The following ERC1 variants were observed in gnomAD, a reference collection of about 807,000 sequenced individuals.
ERC1 encodes the protein RAB6 interacting protein 2.
A neutral mutation model predicts 132.0 loss-of-function variants in ERC1; 56 were observed. The observed-to-expected ratio is 0.42, with a 90% confidence interval of 0.34 to 0.53. The LOEUF is 0.53. Among genes scored for constraint, ERC1 ranks in the 20% least tolerant of loss-of-function variants. ERC1 has a pLI of 0.03. For missense variants in ERC1, 1,202 were observed against 1,349.9 expected, an observed-to-expected ratio of 0.89 and a Z score of 1.72; for synonymous variants, 478 against 476.1, an observed-to-expected ratio of 1.00 and a Z score of -0.05.
intron 1 of ERC1, among the ~76,000 whole-genome samples, chr12:1,003,987 A>T (rs185571056): frequency 1.3e-5 from 2 of 152,172 alleles, no homozygotes; most frequent in Non-Finnish European, 2.9e-5. Flanking sequence ...TGAAGGTTCA[A>T]TGCCTTGTCA....
chr12:991,049 A>G (rs1592516802), upstream of ERC1: 1 of 149,142 alleles, frequency 6.7e-6, no homozygotes, highest in Admixed American at 6.6e-5. Flanking sequence ...CCAGTTCCTC[A>G]CCCGCGTGCC....
intron 15 of ERC1, among the ~76,000 whole-genome samples, chr12:1,371,180 G>A (rs765571270): frequency 7.7e-6 from 1 of 129,204 alleles, no homozygotes; most frequent in Non-Finnish European, 1.6e-5. Flanking sequence ...GCCCACTGAT[G>A]GGAACTCCCC....
At position 1,033,067 on chromosome 12, in the gene ERC1, C is replaced by CG. The variant is rs149321237; in HGVS notation, c.669+4496dup. On this transcript the variant is annotated intron_variant, in intron 2 of 18. Transcript: ENST00000360905. ...TTTTTTTTTTTTGAAACAAGAGTCT[C>CG]GCTCTGTTGCTCAGGCTGGAGTGTG... Among the ~76,000 whole-genome samples, 523 of 149,988 alleles carry CG rather than the reference C, an allele frequency of 3.5e-3. 22 individuals are homozygous for CG. In the East Asian group the frequency reaches 0.086, roughly 25 times the overall value.
At chr12:1,431,557 T>A (rs2092797901) in intron 17 of ERC1, among the ~76,000 whole-genome samples, 1 of 152,212 alleles carries the variant, frequency 6.6e-6, no homozygotes, top group Non-Finnish European at 1.5e-5. Context: ...TTTTCATATT[T>A]AAATTGCATA....
chr12:1,366,157 TTACTG>T lies in ERC1; in HGVS notation c.2781-5675_2781-5671del, dbSNP rs548229375. Among the ~76,000 whole-genome samples, 276 of 152,278 alleles carry T rather than the reference TTACTG, an allele frequency of 1.8e-3. 1 individual carries two copies. Among genetic ancestry groups the T allele is most frequent in the African/African-American group, 4.6e-3 (193 of 41,556 alleles). ...GGTCGCAGAACAATCTAAATGTACT[TTACTG>T]AACTGTTCATTTATAAATGGTTATG... is the stretch of plus-strand genomic sequence containing the variant. On this transcript the variant is annotated intron_variant, in intron 15 of 18. Coordinates refer to ENST00000360905, the MANE Select transcript of ERC1 (RefSeq NM_178040.4).
chr12:1,459,673 A>G (rs1377201042), intron 18 of ERC1, among the ~76,000 whole-genome samples: 1 of 152,258 alleles, frequency 6.6e-6, no homozygotes, highest in African/African-American at 2.4e-5. Context: ...GACTATTTGC[A>G]TAGACTGAAA....
rs559665898 is a variant in ERC1, at chr12:1,493,723, C to T, written c.*3493C>T. The T allele has an allele frequency of 1.9e-5, 4 of 209,862 alleles. No individual in the cohort carries two copies. In the South Asian group the frequency reaches 5.7e-4, roughly 30 times the overall value. The allele number at this position is 209,862 out of a possible 1,614,324, so 13.0% of individuals were successfully genotyped here. ...TTGTAAAGCAGACTGGACCCAAGGCCGCCTTCAGTGTCAAGAAGGGCATTG... is the reference window on the plus strand; with the variant it reads ...TTGTAAAGCAGACTGGACCCAAGGCTGCCTTCAGTGTCAAGAAGGGCATTG... On this transcript the variant is annotated 3_prime_UTR_variant, in exon 19 of 19. Transcript: ENST00000360905.
At chr12:1,303,007 G>A (rs960676773) in intron 15 of ERC1, among the ~76,000 whole-genome samples, 2 of 152,102 alleles carry the variant, frequency 1.3e-5, no homozygotes, top group Non-Finnish European at 2.9e-5. Flanking sequence ...TCTGTTAAAT[G>A]TGCAGTAGCG....
At chr12:1,460,185 A>T (rs1158592485) in intron 18 of ERC1, among the ~76,000 whole-genome samples, 1 of 152,196 alleles carries the variant, frequency 6.6e-6, no homozygotes, top group East Asian at 1.9e-4. Flanking sequence ...TACTCTTGGA[A>T]AACTTCCTTA....
At chr12:1,236,439 A>C (rs1236764792) in intron 12 of ERC1, among the ~76,000 whole-genome samples, 1 of 152,230 alleles carries the variant, frequency 6.6e-6, no homozygotes, top group Non-Finnish European at 1.5e-5. Context: ...CGTCGATGTC[A>C]AAAATACTGC....
chr12:1,368,392 T>C (rs1332083613), intron 15 of ERC1, among the ~76,000 whole-genome samples: 1 of 152,224 alleles, frequency 6.6e-6, no homozygotes, highest in African/African-American at 2.4e-5. Context: ...AAAATACTTT[T>C]TTTCAAAGAA....
intron 8 of ERC1, among the ~76,000 whole-genome samples, chr12:1,169,219 G>A (rs1214157850): frequency 6.6e-6 from 1 of 152,164 alleles, no homozygotes; most frequent in Non-Finnish European, 1.5e-5. Context: ...ATGCAACCTA[G>A]GTCTCTCCTG....
Position 1,164,033 on chromosome 12 carries a change from C to T in ERC1, c.1738-16507C>T, listed in dbSNP as rs1952123108. 2.0e-5 allele frequency among the ~76,000 whole-genome samples: 3 copies of T among 152,204 alleles called. No individual in the cohort carries two copies. The East Asian group carries it at 5.8e-4, about 29-fold the overall frequency. On this transcript the variant is annotated intron_variant, in intron 8 of 18. Coordinates refer to ENST00000360905, the MANE Select transcript of ERC1 (RefSeq NM_178040.4). ...TCTGACCTACATGGTGTCTTTTGCC[C>T]CAGCTTCTGCAGGTGCCTTGGGTTC...
At chr12:1,083,676 C>T (rs184272775) in intron 3 of ERC1, 96 bp downstream of exon 3, 9 of 941,164 alleles carry the variant, frequency 9.6e-6, no homozygotes, top group South Asian at 8.2e-5. Context: ...CGTGCTCTGC[C>T]GTGCTGGTGG....
At chr12:1,121,769 C>G (rs1327765243) in intron 7 of ERC1, among the ~76,000 whole-genome samples, 13 of 6,616 alleles carry the variant, frequency 2.0e-3, no homozygotes, top group Non-Finnish European at 4.2e-3. Flanking sequence ...CTCTATCTAT[C>G]TCTATCTCTA....
intron 17 of ERC1, among the ~76,000 whole-genome samples, chr12:1,440,675 T>G (rs2093124923): frequency 7.1e-6 from 1 of 140,220 alleles, no homozygotes; most frequent in Admixed American, 7.3e-5. Flanking sequence ...TGTGATGGAG[T>G]CTCACTCTGT....
chr12:1,156,112 T>G (rs990061342), intron 8 of ERC1, among the ~76,000 whole-genome samples: 2 of 152,138 alleles, frequency 1.3e-5, no homozygotes, highest in East Asian at 3.8e-4. Context: ...TATCATCTTA[T>G]ATACAGCTTT....
At chr12:1,321,895 G>A (rs1265230272) in intron 15 of ERC1, among the ~76,000 whole-genome samples, 2 of 152,108 alleles carry the variant, frequency 1.3e-5, no homozygotes, top group African/African-American at 2.4e-5. Context: ...AAGAACAAAC[G>A]GGGATCAATG....
chr12:1,041,326 G>C (rs1970180168), intron 2 of ERC1, among the ~76,000 whole-genome samples: 1 of 151,836 alleles, frequency 6.6e-6, no homozygotes, highest in Admixed American at 6.6e-5. Context: ...TCCTGCCTCA[G>C]CCTCCCAAGT....
Sources: allele counts gnomAD v4.1 joint callset (sites outside exome capture counted in the v4.1 genomes callset), GRCh38; gene constraint gnomAD v4.1.1; transcripts MANE v1.5; gene names NCBI Gene and HGNC (gene_info 2026-07-23, HGNC 2026-07-21).